GBGT1: variants seen among roughly 807,000 people sequenced by gnomAD.
The protein encoded by GBGT1 is globoside alpha-1,3-N-acetylgalactosaminyltransferase 1.
In GBGT1, 18 loss-of-function variants were observed where a neutral mutation model predicts 20.9. That is an observed-to-expected ratio of 0.86 (90% CI 0.60 to 1.28). The LOEUF is 1.28. Among genes scored for constraint, GBGT1 ranks in the 50% most tolerant of loss-of-function variants. The probability of loss-of-function intolerance (pLI) is 0.00; values close to 1 mark genes in which losing one functional copy is unlikely to be tolerated. For synonymous variants in GBGT1, 168 were observed against 180.8 expected (o/e 0.93, Z 0.57); for missense variants, 432 against 455.7 (o/e 0.95, Z 0.47).
At chr9:133,161,016 A>T in intron 3 of GBGT1, 1 of 231,944 alleles carries the variant, frequency 4.3e-6, no homozygotes, top group East Asian at 1.9e-4. Context: ...ACTCAAGAAA[A>T]AAAAAAAAAA....
intron 6 of GBGT1, 33 bp downstream of exon 6, chr9:133,155,145 G>A (rs922521262): frequency 1.9e-6 from 3 of 1,599,968 alleles, no homozygotes; most frequent in Non-Finnish European, 2.6e-6. Context: ...GGCTCAGGGA[G>A]ACCTCCCTCC....
rs374091890 is a variant in GBGT1, at chr9:133,162,448, A to G, written c.-36T>C. On this transcript the variant is annotated 5_prime_UTR_variant, in exon 2 of 7. Transcript: ENST00000372040. The stretch of plus-strand genomic sequence containing the variant: ...TGCACCTGAGCCTGGGCACTTGTAG[A>G]GACCCCCACTGGCCTGGGCGGATGA... The G allele has an allele frequency of 2.9e-5, 45 of 1,561,602 alleles. No individual in the cohort carries two copies. The highest frequency in any genetic ancestry group is 3.5e-5 in the Non-Finnish European group (40 of 1,147,030).
chr9:133,153,546 TC>T lies in GBGT1; in HGVS notation c.*30del. 4.1e-6 allele frequency: 6 copies of T among 1,477,536 alleles called. No individual in the cohort carries two copies. The highest frequency in any genetic ancestry group is 1.3e-5 in the South Asian group (1 of 74,434). The allele number at this position is 1,477,536 out of a possible 1,614,324, so 91.5% of individuals were successfully genotyped here. A position where few individuals can be genotyped will look rare whatever the true frequency, so the allele number is the denominator to read the frequency against. On this transcript the variant is annotated 3_prime_UTR_variant, in exon 7 of 7. Coordinates refer to ENST00000372040, the MANE Select transcript of GBGT1 (RefSeq NM_021996.6). Reference sequence around the variant, plus strand: ...GCACTGGTGGCTGCAGGTCTTTGGGTCCCCATCCATGGCAACCCCCAGCTCC... The same window carrying T: ...GCACTGGTGGCTGCAGGTCTTTGGGTCCCATCCATGGCAACCCCCAGCTCC...
intron 2 of GBGT1, among the ~76,000 whole-genome samples, chr9:133,161,821 C>A (rs1163362994): frequency 6.6e-6 from 1 of 152,200 alleles, no homozygotes; most frequent in Non-Finnish European, 1.5e-5. Flanking sequence ...GGGTGAGGGG[C>A]AGCCCCAGGA....
chr9:133,156,656 T>C (rs1460070553), intron 3 of GBGT1, among the ~76,000 whole-genome samples: 4 of 115,570 alleles, frequency 3.5e-5, no homozygotes, highest in African/African-American at 1.6e-4. Context: ...CAAGATTCCA[T>C]CTCAAAAAAA....
At position 133,155,471 on chromosome 9, in the gene GBGT1, C is replaced by T. The variant is rs1023308941; in HGVS notation, c.225-159G>A. 1.1e-5 allele frequency: 9 copies of T among 787,698 alleles called. No homozygotes were observed. In the African/African-American group the frequency reaches 1.6e-4, roughly 14 times the overall value. The allele number at this position is 787,698 out of a possible 1,614,324, so 48.8% of individuals were successfully genotyped here. Reference sequence around the variant, plus strand: ...AAAGTGGGGATAATGATAGCCACCTCCCAGCAGGGTTGGGAGTACCAGGAG... The same window carrying T: ...AAAGTGGGGATAATGATAGCCACCTTCCAGCAGGGTTGGGAGTACCAGGAG... On this transcript the variant is annotated intron_variant, in intron 5 of 6. Coordinates refer to ENST00000372040, the MANE Select transcript of GBGT1 (RefSeq NM_021996.6).
chr9:133,159,464 G>C (rs1413810832), intron 3 of GBGT1, among the ~76,000 whole-genome samples: 5 of 152,098 alleles, frequency 3.3e-5, no homozygotes. Flanking sequence ...CTCTCCACAA[G>C]CCCAGACACA....
At chr9:133,156,305 G>T (rs1199428042) in intron 3 of GBGT1, among the ~76,000 whole-genome samples, 1 of 152,166 alleles carries the variant, frequency 6.6e-6, no homozygotes, top group Non-Finnish European at 1.5e-5. Context: ...ACCCAGTGCC[G>T]CTTGCTCCCA....
rs889674400 is a variant in GBGT1, at chr9:133,153,748, G to A, written c.873C>T (p.Ile291=). 1 of 1,613,036 alleles carries A rather than the reference G, an allele frequency of 6.2e-7. No individual in the cohort carries two copies. The highest frequency in any genetic ancestry group is 1.3e-5 in the African/African-American group (1 of 75,044). Residue 291 remains isoleucine (I), a synonymous_variant, in exon 7 of 7, where the codon ATC becomes ATT. Coordinates refer to ENST00000372040, the MANE Select transcript of GBGT1 (RefSeq NM_021996.6). ...GGCTTTCCTCCCGCCAGGCAGCCAT[G>A]ATGCCATTGGCCTTGTCCGCCAGGA... is the stretch of plus-strand genomic sequence containing the variant. ...MAILADKANG[I]MAAWREESHL...
intron 3 of GBGT1, among the ~76,000 whole-genome samples, chr9:133,156,663 A>T (rs1832880514): frequency 6.6e-6 from 1 of 151,528 alleles, no homozygotes; most frequent in Non-Finnish European, 1.5e-5. Flanking sequence ...CCATCTCAAA[A>T]AAAAAAAGGA....
rs34377881 is a variant in GBGT1, at chr9:133,156,184, C to T, written c.138-119G>A. 9.4e-4 allele frequency: 1,017 copies of T among 1,081,206 alleles called. 12 individuals carry two copies. The African/African-American group carries it at 0.015, about 16-fold the overall frequency. 67.0% of individuals were successfully genotyped at this position (1,081,206 alleles called of 1,614,324 possible). ...GGGCACCCAGGGTCCATGCAGGCTC[C>T]CTCTGACCTTCCCCCACAGCCCCAC... On this transcript the variant is annotated intron_variant, in intron 3 of 6. Coordinates refer to ENST00000372040, the MANE Select transcript of GBGT1 (RefSeq NM_021996.6).
At chr9:133,156,095 T>A in intron 3 of GBGT1, 30 bp from the exon 4 acceptor site, 2 of 1,612,876 alleles carry the variant, frequency 1.2e-6, no homozygotes, top group Non-Finnish European at 1.7e-6. Flanking sequence ...AGAGCCATCA[T>A]CATGGGTCTG....
chr9:133,161,767 A>G (rs1450269889), intron 2 of GBGT1, among the ~76,000 whole-genome samples: 7 of 152,126 alleles, frequency 4.6e-5, no homozygotes, highest in African/African-American at 1.7e-4. Flanking sequence ...ATTCATTCCT[A>G]GGGAGTGTAT....
Position 133,153,869 on chromosome 9 carries a change from A to G in GBGT1, c.752T>C (p.Val251Ala), listed in dbSNP as rs770560808. The G allele has an allele frequency of 2.5e-6, 4 of 1,601,792 alleles. No homozygotes were observed. The highest frequency in any genetic ancestry group is 1.7e-4 in the Middle Eastern group (1 of 6,022). Residue 251 changes from valine to alanine, a missense_variant, in exon 7 of 7, where the codon GTG becomes GCG. Transcript: ENST00000372040. ...YERRRVSTAF[V>A]ADSEGDFYYG... ...ATAGAAGTCCCCTTCGCTGTCTGCCACAAAGGCAGTGGAAACACGCCTGCG... is the reference window on the plus strand; with the variant it reads ...ATAGAAGTCCCCTTCGCTGTCTGCCGCAAAGGCAGTGGAAACACGCCTGCG...
rs915135686 is a variant in GBGT1 at position 133,154,525 on chromosome 9, C to T, written c.360-264G>A. 10 of 357,304 alleles carry T rather than the reference C, an allele frequency of 2.8e-5. No individual in the cohort carries two copies. Among genetic ancestry groups the T allele is most frequent in the African/African-American group, 6.3e-5 (3 of 47,926 alleles). 22.1% of individuals were successfully genotyped at this position (357,304 alleles called of 1,614,324 possible). ...TACTGAGCAATTTCTAAGTGCCCAG[C>T]GACGTTCTAAGAATTCTTATGATCT... On this transcript the variant is annotated intron_variant, in intron 6 of 6. Coordinates refer to ENST00000372040, the MANE Select transcript of GBGT1 (RefSeq NM_021996.6). The surrounding 1 kb of genome is among the most constrained non-coding windows in gnomAD (Gnocchi z 4.2).
intron 3 of GBGT1, 100 bp from the exon 4 acceptor site, chr9:133,156,165 C>A: frequency 7.5e-7 from 1 of 1,341,358 alleles, no homozygotes; most frequent in Non-Finnish European, 1.0e-6. Context: ...GGGTGGGCAC[C>A]CAGGGTCCAT....
At position 133,162,510 on chromosome 9, in the gene GBGT1, G is replaced by T; in HGVS notation, c.-98C>A. On this transcript the variant is annotated 5_prime_UTR_variant, in exon 2 of 7. Transcript: ENST00000372040. ...CGCAGGGATGTCAGGCTCTGAGCCTGGTCTCTGAGGTCCCAGGAACACCTG... is the reference window on the plus strand; with the variant it reads ...CGCAGGGATGTCAGGCTCTGAGCCTTGTCTCTGAGGTCCCAGGAACACCTG... 3 of 931,774 alleles carry T rather than the reference G, an allele frequency of 3.2e-6. No homozygotes were observed. Among genetic ancestry groups the T allele is most frequent in the Non-Finnish European group, 5.1e-6 (3 of 584,430 alleles). The allele number at this position is 931,774 out of a possible 1,614,324, so 57.7% of individuals were successfully genotyped here.
chr9:133,153,752 C>T lies in GBGT1; in HGVS notation c.869G>A (p.Gly290Asp), dbSNP rs1178651059. 21 of 1,612,376 alleles carry T rather than the reference C, an allele frequency of 1.3e-5. 1 individual carries two copies. In the African/African-American group the frequency reaches 1.3e-4, roughly 10 times the overall value. ...TTCCTCCCGCCAGGCAGCCATGATG[C>T]CATTGGCCTTGTCCGCCAGGATGGC... Reference protein sequence around the residue: ...HMAILADKANGIMAAWREESH... With the variant: ...HMAILADKANDIMAAWREESH... Residue 290 changes from glycine (G) to aspartate (D), a missense_variant, in exon 7 of 7, where the codon GGC becomes GAC. Gly to Asp is a moderately conservative substitution (Grantham distance 94). Transcript: ENST00000372040.
At position 133,154,087 on chromosome 9, in the gene GBGT1, C is replaced by T. The variant is rs35808997; in HGVS notation, c.534G>A (p.Glu178=). ...IPIQGHSHWE[E]TSMRRMETIS... ...TGGTCTCCATCCGGCGCATGGATGTCTCCTCCCAGTGGGAGTGACCCTGGA... is the reference window on the plus strand; with the variant it reads ...TGGTCTCCATCCGGCGCATGGATGTTTCCTCCCAGTGGGAGTGACCCTGGA... The change falls in exon 7 of 7, where the codon GAG becomes GAA. Residue 178 remains glutamate, a synonymous_variant. Transcript: ENST00000372040. The surrounding 1 kb of genome is among the most constrained non-coding windows in gnomAD (Gnocchi z 4.2). The T allele has an allele frequency of 0.012, 19,049 of 1,613,288 alleles. 1,978 individuals are homozygous for T. In the African/African-American group the frequency reaches 0.22, roughly 19 times the overall value.
Sources: gnomAD v4.1 joint callset for allele counts (sites outside exome capture counted in the v4.1 genomes callset) on GRCh38, gnomAD v4.1.1 for gene constraint, Gnocchi (gnomAD v3.1) non-coding constraint, MANE v1.5 for transcripts, NCBI Gene and HGNC (gene_info 2026-07-23, HGNC 2026-07-21) for gene names.